PLEKHH2: variants seen among roughly 807,000 people sequenced by gnomAD.
PLEKHH2 encodes pleckstrin homology domain-containing family H member 2.
Under a neutral mutation model 187.9 loss-of-function variants are expected in PLEKHH2, and 129 were observed. The ratio of observed to expected loss-of-function variants is 0.69; its 90% CI spans 0.59 to 0.79. The LOEUF is 0.79. Ranked by LOEUF, PLEKHH2 falls within the 30% of genes least tolerant of loss-of-function variation. The pLI is 0.00. For synonymous variants in PLEKHH2, 686 were observed against 605.6 expected, an observed-to-expected ratio of 1.13 and a Z score of -1.95; for missense variants, 2,076 against 1,751.2, an observed-to-expected ratio of 1.19 and a Z score of -3.31.
chr2:43,740,591 C>T (rs1464148887), intron 20 of PLEKHH2, among the ~76,000 whole-genome samples: 4 of 152,048 alleles, frequency 2.6e-5, no homozygotes, highest in South Asian at 2.1e-4. Flanking sequence ...CTGCAATCTG[C>T]GTTTCTCAAA....
chr2:43,654,054 T>C (rs923043195), intron 2 of PLEKHH2, among the ~76,000 whole-genome samples: 9 of 152,146 alleles, frequency 5.9e-5, no homozygotes, highest in African/African-American at 1.9e-4. Context: ...AGTGAGTGAA[T>C]AAGAAATCAC....
At position 43,726,265 on chromosome 2, in the gene PLEKHH2, AC is replaced by A. The variant is rs1314322129; in HGVS notation, c.2542-6del. ...GCCTTCCTCACAATTACTAATATTT[AC>A]TTTAGTTTCCTTTAGGTCAGATCAA... On this transcript the variant is annotated splice_polypyrimidine_tract_variant and splice_region_variant and intron_variant, in intron 16 of 29. Coordinates refer to ENST00000282406, the MANE Select transcript of PLEKHH2 (RefSeq NM_172069.4). 6 of 1,581,444 alleles carry A rather than the reference AC, an allele frequency of 3.8e-6. No homozygotes were observed. The African/African-American group carries it at 6.8e-5, about 18-fold the overall frequency.
intron 12 of PLEKHH2, 46 bp downstream of exon 12, chr2:43,710,172 C>T (rs1344041545): frequency 1.2e-6 from 2 of 1,610,236 alleles, no homozygotes; most frequent in African/African-American, 1.3e-5. Context: ...TCAGATTGAG[C>T]CTCCAAAAGG....
chr2:43,658,110 A>C (rs1365807861), intron 2 of PLEKHH2, among the ~76,000 whole-genome samples: 1 of 152,172 alleles, frequency 6.6e-6, no homozygotes, highest in East Asian at 1.9e-4. Flanking sequence ...TCATTTTTTA[A>C]AATAAAACAT....
Position 43,720,677 on chromosome 2 carries a change from T to C in PLEKHH2, c.2469T>C (p.His823=). The C allele has an allele frequency of 6.2e-7, 1 of 1,606,774 alleles. No homozygotes were observed. Among genetic ancestry groups the C allele is most frequent in the South Asian group, 1.1e-5 (1 of 88,926 alleles). ...TTGAAATATGGTTTCAGGTAAAACA[T>C]GGATATTCCAAGAGAGTCTGGTGTA... ...TMKGLLTKVK[H]GYSKRVWCTL... Residue 823 remains histidine (H), a synonymous_variant, in exon 16 of 30, where the codon CAT becomes CAC. Coordinates refer to ENST00000282406, the MANE Select transcript of PLEKHH2 (RefSeq NM_172069.4).
At chr2:43,670,704 G>A (rs1459833902) in intron 2 of PLEKHH2, among the ~76,000 whole-genome samples, 1 of 150,588 alleles carries the variant, frequency 6.6e-6, no homozygotes, top group Non-Finnish European at 1.5e-5. Context: ...TTCTTAATTT[G>A]TGCAGAAAGG....
At chr2:43,691,582 T>G (rs1284872426) in intron 3 of PLEKHH2, among the ~76,000 whole-genome samples, 2 of 152,196 alleles carry the variant, frequency 1.3e-5, no homozygotes, top group African/African-American at 4.8e-5. Flanking sequence ...GTTTCCAGCT[T>G]GAAGGTTGGG....
chr2:43,693,248 A>G (rs1347266449), intron 4 of PLEKHH2, among the ~76,000 whole-genome samples: 1 of 152,200 alleles, frequency 6.6e-6, no homozygotes, highest in Non-Finnish European at 1.5e-5. Context: ...TAAATGTAGT[A>G]TTTAAGTTGG....
At chr2:43,727,801 A>C (rs1670838607) in intron 17 of PLEKHH2, among the ~76,000 whole-genome samples, 1 of 152,136 alleles carries the variant, frequency 6.6e-6, no homozygotes, top group Non-Finnish European at 1.5e-5. Flanking sequence ...CCTATCTCTA[A>C]CCACAGAGCC....
At chr2:43,758,424 T>C (rs772030055) in intron 26 of PLEKHH2, among the ~76,000 whole-genome samples, 9 of 152,198 alleles carry the variant, frequency 5.9e-5, no homozygotes, top group Non-Finnish European at 1.3e-4. Flanking sequence ...GGCTTATTTT[T>C]GTATTTTTAG....
Position 43,697,203 on chromosome 2 carries a change from A to G in PLEKHH2, c.535A>G (p.Thr179Ala). ...AGGAAAGAAGTCATCCACTGTCTCTACACTAAAGCTTTCGGAAGGCCAGCG... is the reference window on the plus strand; with the variant it reads ...AGGAAAGAAGTCATCCACTGTCTCTGCACTAAAGCTTTCGGAAGGCCAGCG... ...VQGKKSSTVS[T>A]LKLSEGQRLS... The change falls in exon 7 of 30, where the codon ACA becomes GCA. Residue 179 changes from threonine (T) to alanine (A), a missense_variant. By Grantham distance (58) the Thr-to-Ala change is moderately conservative. Transcript: ENST00000282406. 6.2e-7 allele frequency: 1 copy of G among 1,611,194 alleles called. No individual in the cohort carries two copies. The highest frequency in any genetic ancestry group is 8.5e-7 in the Non-Finnish European group (1 of 1,178,872).
At chr2:43,715,111 A>G (rs1192402097) in intron 15 of PLEKHH2, among the ~76,000 whole-genome samples, 2 of 151,944 alleles carry the variant, frequency 1.3e-5, no homozygotes, top group Non-Finnish European at 2.9e-5. Flanking sequence ...AAACCCGTCT[A>G]CTAAAAATAC....
rs1671772942 is a variant in PLEKHH2, at chr2:43,746,198, C to A, written c.3653+235C>A. 3.3e-5 allele frequency among the ~76,000 whole-genome samples: 5 copies of A among 152,228 alleles called. No homozygotes were observed. The South Asian group carries it at 1.0e-3, about 32-fold the overall frequency. On this transcript the variant is annotated intron_variant, in intron 24 of 29. Coordinates refer to ENST00000282406, the MANE Select transcript of PLEKHH2 (RefSeq NM_172069.4). ...TATTTTATGAAAATATGCTTTTAGA[C>A]AAACATCAGAAACACTAGGTCTCAG...
intron 11 of PLEKHH2, among the ~76,000 whole-genome samples, chr2:43,708,996 TAC>T (rs1669809351): frequency 6.6e-6 from 1 of 152,268 alleles, no homozygotes; most frequent in Admixed American, 6.5e-5. Flanking sequence ...AATTGCTGGA[TAC>T]TTTTATAAAT....
intron 9 of PLEKHH2, among the ~76,000 whole-genome samples, chr2:43,704,272 G>T (rs1246994249): frequency 6.6e-6 from 1 of 152,040 alleles, no homozygotes; most frequent in East Asian, 1.9e-4. Flanking sequence ...TTGTTTACTG[G>T]GTATAGCATT....
chr2:43,683,336 T>G (rs1668328238), intron 3 of PLEKHH2, among the ~76,000 whole-genome samples: 1 of 151,858 alleles, frequency 6.6e-6, no homozygotes. Context: ...ATGGGATTTC[T>G]CTATGTTGGT....
chr2:43,735,913 T>C (rs1402981452), intron 19 of PLEKHH2, among the ~76,000 whole-genome samples: 1 of 152,210 alleles, frequency 6.6e-6, no homozygotes, highest in African/African-American at 2.4e-5. Context: ...TTCAACATGA[T>C]AAAATATTCT....
In PLEKHH2 at chr2:43,700,007, A is replaced by G; in HGVS notation, c.1049A>G (p.Lys350Arg). The part of the protein sequence containing the change: ...TFGIKRPEHK[K>R]LYSWQQEAQW... ...GGCATAAAGAGACCAGAACACAAGA[A>G]GCTATATTCTTGGCAGCAGGAGGCA... is the stretch of plus-strand genomic sequence containing the variant. The change falls in exon 8 of 30, where the codon AAG (lysine) becomes AGG (arginine). Residue 350 changes from lysine to arginine, a missense_variant. Lys to Arg is a conservative substitution (Grantham distance 26). Transcript: ENST00000282406. 3 of 1,614,214 alleles carry G rather than the reference A, an allele frequency of 1.9e-6. No individual in the cohort carries two copies. Among genetic ancestry groups the G allele is most frequent in the Non-Finnish European group, 2.5e-6 (3 of 1,180,026 alleles).
At chr2:43,711,333 C>T in intron 14 of PLEKHH2, 1 of 985,332 alleles carries the variant, frequency 1.0e-6, no homozygotes, top group Non-Finnish European at 1.2e-6. Flanking sequence ...TCAAGGAAAG[C>T]TTTGTCTTTG....
Sources: gnomAD v4.1 joint callset for allele counts (sites outside exome capture counted in the v4.1 genomes callset) on GRCh38, gnomAD v4.1.1 for gene constraint, MANE v1.5 for transcripts, NCBI Gene and HGNC (gene_info 2026-07-23, HGNC 2026-07-21) for gene names.